KCNQ1OT1: variants seen among roughly 807,000 people sequenced by gnomAD.
The protein encoded by KCNQ1OT1 is KCNQ1 opposite strand/antisense transcript 1, also known as KCNQ1 antisense RNA 2 (non-protein coding).
Position 2,659,377 on chromosome 11 carries a change from T to C in KCNQ1OT1, n.40618A>G. 2.5e-6 allele frequency: 1 copy of C among 398,654 alleles called. No homozygotes were observed. The highest frequency in any genetic ancestry group is 4.4e-6 in the Non-Finnish European group (1 of 226,058). 24.7% of individuals were successfully genotyped at this position (398,654 alleles called of 1,614,324 possible). On this transcript the variant is annotated non_coding_transcript_exon_variant, in exon 1 of 1. Transcript: ENST00000597346. The surrounding 1 kb of genome is among the most constrained non-coding windows in gnomAD (Gnocchi z 4.3). ...AATATGTATTCTTTTGCATCTGGCT[T>C]CTTTCACTGCTTAGCAAAATGCATT...
Position 2,657,758 on chromosome 11 carries a change from G to C in KCNQ1OT1, n.42237C>G, listed in dbSNP as rs879380419. 1.3e-5 allele frequency: 5 copies of C among 398,456 alleles called. No homozygotes were observed. Among genetic ancestry groups the C allele is most frequent in the Middle Eastern group, 6.2e-4 (1 of 1,610 alleles). 24.7% of individuals were successfully genotyped at this position (398,456 alleles called of 1,614,324 possible). A position where few individuals can be genotyped will look rare whatever the true frequency, so the allele number is the denominator to read the frequency against. On this transcript the variant is annotated non_coding_transcript_exon_variant, in exon 1 of 1. Transcript: ENST00000597346. This position sits in a 1 kb window ranked among gnomAD's most constrained non-coding sequence, Gnocchi z 4.8. ...GATCGGTGACGGGCTTCTCAGTCTT[G>C]TTCTTCATTAACTTGACACTTTTGA... is the stretch of plus-strand genomic sequence containing the variant.
At chr11:2,646,599 C>A in exon 1 of KCNQ1OT1, 2 of 398,590 alleles carry the variant, frequency 5.0e-6, no homozygotes, top group South Asian at 2.6e-4. Flanking sequence ...AATTTCTGCT[C>A]ACTGCAACCT....
chr11:2,644,214 G>A, exon 1 of KCNQ1OT1: 3 of 398,370 alleles, frequency 7.5e-6, no homozygotes, highest in Non-Finnish European at 1.3e-5. Context: ...TTCACCTTCT[G>A]GGACACTGAA....
At chr11:2,618,067 C>T in exon 1 of KCNQ1OT1, 1 of 398,428 alleles carries the variant, frequency 2.5e-6, no homozygotes. Flanking sequence ...TTTTTGTAGC[C>T]TGAGCTTTTG....
chr11:2,636,073 G>A (rs1849459582), exon 1 of KCNQ1OT1: 1 of 152,208 alleles, frequency 6.6e-6, no homozygotes, highest in Non-Finnish European at 1.5e-5. Flanking sequence ...ATCAGCTTAA[G>A]GAGATTTTGG....
At chr11:2,610,349 C>T (rs1848959608) in exon 1 of KCNQ1OT1, 2 of 398,048 alleles carry the variant, frequency 5.0e-6, no homozygotes, top group Non-Finnish European at 8.9e-6. Context: ...TTATAATGAT[C>T]ATACTATATA....
At chr11:2,632,108 G>A (rs1449830679) in exon 1 of KCNQ1OT1, 11 of 396,196 alleles carry the variant, frequency 2.8e-5, no homozygotes, top group East Asian at 1.1e-4. Flanking sequence ...GCGTGAACTC[G>A]GGAGGCAGAG....
chr11:2,632,182 C>CAAA lies in KCNQ1OT1; in HGVS notation n.67810_67812dup, dbSNP rs34998500. On this transcript the variant is annotated non_coding_transcript_exon_variant, in exon 1 of 1. Coordinates refer to ENST00000597346, the Ensembl canonical transcript of KCNQ1OT1. ...TGGGCGACAGACCAAGACTCTGCCT[C>CAAA]AAAAAAAAAAAAAAAAAAAAAGAAA... 864 of 310,098 alleles carry CAAA rather than the reference C, an allele frequency of 2.8e-3. 1 individual carries two copies. The highest frequency in any genetic ancestry group is 4.6e-3 in the South Asian group (23 of 5,004). 19.2% of individuals were successfully genotyped at this position (310,098 alleles called of 1,614,324 possible). A position where few individuals can be genotyped will look rare whatever the true frequency, so the allele number is the denominator to read the frequency against.
At position 2,657,086 on chromosome 11, in the gene KCNQ1OT1, T is replaced by C; in HGVS notation, n.42909A>G. 1 of 398,624 alleles carries C rather than the reference T, an allele frequency of 2.5e-6. No individual in the cohort carries two copies. Among genetic ancestry groups the C allele is most frequent in the African/African-American group, 2.1e-5 (1 of 48,746 alleles). 24.7% of individuals were successfully genotyped at this position (398,624 alleles called of 1,614,324 possible). ...ATCCTGTCCCATTGGCCTATTTGTCTCTCCCTGTGTCAATACCACATTGCC... is the reference window on the plus strand; with the variant it reads ...ATCCTGTCCCATTGGCCTATTTGTCCCTCCCTGTGTCAATACCACATTGCC... On this transcript the variant is annotated non_coding_transcript_exon_variant, in exon 1 of 1. Transcript: ENST00000597346. The surrounding 1 kb of genome is among the most constrained non-coding windows in gnomAD (Gnocchi z 4.8).
chr11:2,615,795 T>C (rs1297867422), exon 1 of KCNQ1OT1: 1 of 398,032 alleles, frequency 2.5e-6, no homozygotes, highest in Non-Finnish European at 4.4e-6. Context: ...TAGTACTTTG[T>C]TAAATAAAAG....
exon 1 of KCNQ1OT1, chr11:2,634,095 G>T (rs1183412947): frequency 5.1e-6 from 2 of 395,298 alleles, no homozygotes; most frequent in Non-Finnish European, 8.9e-6. Context: ...GCAAGTTTAA[G>T]GATTGTGTTT....
At chr11:2,684,952 G>A (rs922434570) in exon 1 of KCNQ1OT1, 7 of 398,538 alleles carry the variant, frequency 1.8e-5, no homozygotes, top group Non-Finnish European at 2.7e-5. Context: ...CTTTGTACCT[G>A]GTAAGGAGTG....
In KCNQ1OT1 at chr11:2,626,916, A is replaced by G; in HGVS notation, n.73079T>C. 2.5e-6 allele frequency: 1 copy of G among 398,600 alleles called. No individual in the cohort carries two copies. 24.7% of individuals were successfully genotyped at this position (398,600 alleles called of 1,614,324 possible). On this transcript the variant is annotated non_coding_transcript_exon_variant, in exon 1 of 1. Coordinates refer to ENST00000597346, the Ensembl canonical transcript of KCNQ1OT1. The surrounding 1 kb of genome is among the most constrained non-coding windows in gnomAD (Gnocchi z 4.0). ...TTTTAGCTATTCAAGGTCCCTTGAG[A>G]TTCCATGTGAATTTTAGGATGGGGT...
chr11:2,642,885 A>T lies in KCNQ1OT1; in HGVS notation n.57110T>A, dbSNP rs949578677. On this transcript the variant is annotated non_coding_transcript_exon_variant, in exon 1 of 1. Transcript: ENST00000597346. The surrounding 1 kb of genome is among the most constrained non-coding windows in gnomAD (Gnocchi z 4.3). The stretch of plus-strand genomic sequence containing the variant: ...GCTTCTATTTTCACTTGTTTCAGTA[A>T]ATTTTTTATTTCTGCCTTAATTTCT... 1.3e-5 allele frequency: 5 copies of T among 397,668 alleles called. No homozygotes were observed. The highest frequency in any genetic ancestry group is 2.2e-5 in the Non-Finnish European group (5 of 225,682). 24.6% of individuals were successfully genotyped at this position (397,668 alleles called of 1,614,324 possible).
chr11:2,645,350 T>C lies in KCNQ1OT1; in HGVS notation n.54645A>G, dbSNP rs1349098880. On this transcript the variant is annotated non_coding_transcript_exon_variant, in exon 1 of 1. Transcript: ENST00000597346. This position sits in a 1 kb window ranked among gnomAD's most constrained non-coding sequence, Gnocchi z 5.8. Reference sequence around the variant, plus strand: ...GCAGGGTGATCCCTAGGCCCAGAGATGGTATGCGCTGGCACTGGGAGAAAA... The same window carrying C: ...GCAGGGTGATCCCTAGGCCCAGAGACGGTATGCGCTGGCACTGGGAGAAAA... 5.0e-6 allele frequency: 2 copies of C among 398,426 alleles called. No individual in the cohort carries two copies. The highest frequency in any genetic ancestry group is 2.1e-5 in the African/African-American group (1 of 48,534). 24.7% of individuals were successfully genotyped at this position (398,426 alleles called of 1,614,324 possible). A position where few individuals can be genotyped will look rare whatever the true frequency, so the allele number is the denominator to read the frequency against.
chr11:2,668,569 T>G lies in KCNQ1OT1; in HGVS notation n.31426A>C, dbSNP rs1850124815. 2.5e-6 allele frequency: 1 copy of G among 398,676 alleles called. No homozygotes were observed. Among genetic ancestry groups the G allele is most frequent in the East Asian group, 3.6e-5 (1 of 28,084 alleles). 24.7% of individuals were successfully genotyped at this position (398,676 alleles called of 1,614,324 possible). Reference sequence around the variant, plus strand: ...AATGAAGTTGAGTCCCTTTCCATGTTATCATTTAGTCAGATACATCATTCT... The same window carrying G: ...AATGAAGTTGAGTCCCTTTCCATGTGATCATTTAGTCAGATACATCATTCT... On this transcript the variant is annotated non_coding_transcript_exon_variant, in exon 1 of 1. Transcript: ENST00000597346. This position sits in a 1 kb window ranked among gnomAD's most constrained non-coding sequence, Gnocchi z 4.3.
chr11:2,619,219 A>G (rs1849122099), exon 1 of KCNQ1OT1: 1 of 398,502 alleles, frequency 2.5e-6, no homozygotes, highest in South Asian at 1.3e-4. Flanking sequence ...TATGTTGAGT[A>G]GTAGTAGCTA....
chr11:2,637,745 C>T (rs899105189), exon 1 of KCNQ1OT1: 1 of 152,186 alleles, frequency 6.6e-6, no homozygotes, highest in Non-Finnish European at 1.5e-5. Flanking sequence ...TCCTTGTTAA[C>T]TTCCGGTCTT....
chr11:2,648,199 T>G (rs2133838853), exon 1 of KCNQ1OT1: 2 of 328,474 alleles, frequency 6.1e-6, no homozygotes, highest in Admixed American at 5.4e-5. Context: ...AGTGAGACCG[T>G]GTCTCGGGGG....
Sources: allele counts gnomAD v4.1 joint callset, GRCh38; gene constraint gnomAD v4.1.1; non-coding constraint Gnocchi (gnomAD v3.1); transcripts MANE v1.5; gene names NCBI Gene and HGNC (gene_info 2026-07-23, HGNC 2026-07-21).